FSTL4: variants seen among roughly 807,000 people sequenced by gnomAD.
FSTL4 encodes the protein follistatin like 4.
Under a neutral mutation model 78.2 loss-of-function variants are expected in FSTL4, and 28 were observed. The observed-to-expected ratio is 0.36, with a 90% confidence interval of 0.27 to 0.49. FSTL4 has a LOEUF of 0.49. FSTL4 is among the 20% of genes least tolerant of loss of function. The probability of loss-of-function intolerance (pLI) is 0.98; values close to 1 mark genes in which losing one functional copy is unlikely to be tolerated. For missense variants in FSTL4, 922 were observed against 1,084.9 expected (o/e 0.85, Z 2.11); for synonymous variants, 422 against 440.5 (o/e 0.96, Z 0.53).
chr5:133,208,185 A>G (rs2126768345), intron 14 of FSTL4: 1 of 152,246 alleles, frequency 6.6e-6, no homozygotes, highest in East Asian at 1.9e-4. Flanking sequence ...TTTGTCTAGT[A>G]TCTTTCCTTA....
At chr5:133,491,079 C>A (rs951956556) in intron 3 of FSTL4, among the ~76,000 whole-genome samples, 48 of 152,086 alleles carry the variant, frequency 3.2e-4, no homozygotes, top group African/African-American at 1.1e-3. Context: ...CATAACAAAC[C>A]TGCACATGTA....
intron 6 of FSTL4, among the ~76,000 whole-genome samples, chr5:133,285,626 A>G (rs974935807): frequency 6.6e-6 from 1 of 152,042 alleles, no homozygotes. Flanking sequence ...AGCCTCCCTC[A>G]CTCATCTCAC....
At chr5:133,276,944 C>A (rs1035798325) in intron 6 of FSTL4, among the ~76,000 whole-genome samples, 1 of 152,134 alleles carries the variant, frequency 6.6e-6, no homozygotes, top group African/African-American at 2.4e-5. Context: ...CAGCCAGGCA[C>A]ACAGAGGTCA....
the FSTL4 span, among the ~76,000 whole-genome samples, chr5:133,813,253 A>G: frequency 3.3e-5 from 5 of 152,382 alleles, no homozygotes; most frequent in African/African-American, 1.2e-4. Flanking sequence ...ATAAATTTCA[A>G]TAATACATTT....
intron 4 of FSTL4, among the ~76,000 whole-genome samples, chr5:133,367,234 T>C (rs1016308640): frequency 6.6e-6 from 1 of 152,132 alleles, no homozygotes; most frequent in African/African-American, 2.4e-5. Context: ...GAATAAAGAC[T>C]CAAGTCAGCC....
intron 3 of FSTL4, among the ~76,000 whole-genome samples, chr5:133,421,123 G>C (rs537000420): frequency 6.6e-6 from 1 of 152,346 alleles, no homozygotes; most frequent in African/African-American, 2.4e-5. Context: ...ACCCCTGGCA[G>C]GGGCCTGGGT....
At chr5:133,421,662 C>T (rs1326060185) in intron 3 of FSTL4, among the ~76,000 whole-genome samples, 3 of 152,222 alleles carry the variant, frequency 2.0e-5, no homozygotes, top group Non-Finnish European at 4.4e-5. Context: ...TCTCTAAGTG[C>T]TGCTCTCAGG....
At chr5:133,682,796 G>A in the FSTL4 span, among the ~76,000 whole-genome samples, 2 of 152,168 alleles carry the variant, frequency 1.3e-5, no homozygotes, top group African/African-American at 2.4e-5. Flanking sequence ...TGATGTTCAG[G>A]TTGAGAGGCT....
chr5:133,572,537 A>G (rs542756879), intron 2 of FSTL4, among the ~76,000 whole-genome samples: 5 of 152,236 alleles, frequency 3.3e-5, no homozygotes, highest in African/African-American at 1.2e-4. Context: ...GCAATACTTT[A>G]TAGCGAACTT....
chr5:133,254,516 G>C lies in FSTL4; in HGVS notation c.728-4940C>G, dbSNP rs10044211. Among the ~76,000 whole-genome samples, 293 of 152,348 alleles carry C rather than the reference G, an allele frequency of 1.9e-3. 1 individual carries two copies. The highest frequency in any genetic ancestry group is 6.9e-3 in the African/African-American group (285 of 41,576). On this transcript the variant is annotated intron_variant, in intron 6 of 15. Coordinates refer to ENST00000265342, the MANE Select transcript of FSTL4 (RefSeq NM_015082.2). ...TTGGGCTGGGGTAAAATGGCTAATG[G>C]AAAGGGTATATTGGGCAGATTGACA... is the stretch of plus-strand genomic sequence containing the variant.
chr5:133,539,229 TC>T (rs1759418262), intron 3 of FSTL4, among the ~76,000 whole-genome samples: 1 of 152,152 alleles, frequency 6.6e-6, no homozygotes, highest in Non-Finnish European at 1.5e-5. Context: ...GCTGCTGCCA[TC>T]TTTGGAAAAT....
chr5:133,818,040 C>T, the FSTL4 span, among the ~76,000 whole-genome samples: 524 of 152,324 alleles, frequency 3.4e-3, 6 homozygotes, highest in Non-Finnish European at 6.2e-3. Context: ...GCAACCTTAT[C>T]CAAGAGAACT....
chr5:133,513,319 A>G (rs2112889865), intron 3 of FSTL4, among the ~76,000 whole-genome samples: 1 of 152,336 alleles, frequency 6.6e-6, no homozygotes, highest in East Asian at 1.9e-4. Flanking sequence ...CATATTATTA[A>G]TTGCTATATG....
intron 3 of FSTL4, among the ~76,000 whole-genome samples, chr5:133,474,334 G>A (rs1757885175): frequency 8.4e-6 from 1 of 119,686 alleles, no homozygotes; most frequent in Admixed American, 8.3e-5. Context: ...GGCTCTTGCT[G>A]AGAACTGCAA....
chr5:133,714,396 C>T, the FSTL4 span, among the ~76,000 whole-genome samples: 1 of 152,254 alleles, frequency 6.6e-6, no homozygotes, highest in Admixed American at 6.5e-5. Context: ...AGTGGTGTAG[C>T]CCCAGATTCT....
intron 6 of FSTL4, among the ~76,000 whole-genome samples, chr5:133,302,480 T>G (rs901508105): frequency 6.6e-6 from 1 of 152,164 alleles, no homozygotes; most frequent in African/African-American, 2.4e-5. Context: ...CCACTCTACC[T>G]CTTACCTCGG....
the FSTL4 span, among the ~76,000 whole-genome samples, chr5:133,822,593 G>A: frequency 0.02 from 2,972 of 152,226 alleles, 104 homozygotes; most frequent in African/African-American, 0.067. Context: ...GGGAAATCAG[G>A]GAGGGTCCCT....
chr5:133,268,396 G>A (rs1308599819), intron 6 of FSTL4, among the ~76,000 whole-genome samples: 1 of 152,194 alleles, frequency 6.6e-6, no homozygotes, highest in African/African-American at 2.4e-5. Context: ...CCTGTGTGCT[G>A]TCCCCTACTT....
At chr5:133,702,809 T>C in the FSTL4 span, among the ~76,000 whole-genome samples, 200 of 152,340 alleles carry the variant, frequency 1.3e-3, 1 homozygote, top group African/African-American at 4.6e-3. Flanking sequence ...AGGGCAGGGC[T>C]GTTCGTACGC....
Sources: allele counts gnomAD v4.1 joint callset (sites outside exome capture counted in the v4.1 genomes callset), GRCh38; gene constraint gnomAD v4.1.1; transcripts MANE v1.5; gene names NCBI Gene and HGNC (gene_info 2026-07-23, HGNC 2026-07-21).